The following XPNPEP3 variants were observed in gnomAD, a reference collection of about 807,000 sequenced individuals.
XPNPEP3 encodes the protein X-prolyl aminopeptidase 3.
A neutral mutation model predicts 60.0 loss-of-function variants in XPNPEP3; 41 were observed. The ratio of observed to expected loss-of-function variants is 0.68; its 90% CI spans 0.53 to 0.89. The LOEUF (loss-of-function observed/expected upper bound fraction) is 0.89, where lower values mean the gene tolerates loss of function less well. Ranked by LOEUF, XPNPEP3 falls within the 40% of genes least tolerant of loss-of-function variation. The probability of loss-of-function intolerance (pLI) is 0.00; values close to 1 mark genes in which losing one functional copy is unlikely to be tolerated. For missense variants in XPNPEP3, 598 were observed against 638.9 expected, an observed-to-expected ratio of 0.94 and a Z score of 0.69; for synonymous variants, 212 against 223.2, an observed-to-expected ratio of 0.95 and a Z score of 0.45.
chr22:40,911,033 A>G (rs1272571778), intron 6 of XPNPEP3, among the ~76,000 whole-genome samples: 2 of 152,152 alleles, frequency 1.3e-5, no homozygotes, highest in African/African-American at 4.8e-5. Context: ...ATAAAAATAT[A>G]TATGATAATA....
At chr22:40,877,419 G>A (rs1325733160) in intron 2 of XPNPEP3, among the ~76,000 whole-genome samples, 1 of 152,180 alleles carries the variant, frequency 6.6e-6, no homozygotes, top group East Asian at 1.9e-4. Context: ...CTAGATTGTA[G>A]TAGAGACCTG....
intron 8 of XPNPEP3, among the ~76,000 whole-genome samples, chr22:40,923,894 G>A (rs2058225402): frequency 1.3e-5 from 2 of 152,096 alleles, no homozygotes; most frequent in Admixed American, 6.6e-5. Context: ...GTGCCCAAAA[G>A]TGTGCCTTCT....
At chr22:40,873,514 C>T (rs189465614) in intron 2 of XPNPEP3, among the ~76,000 whole-genome samples, 1 of 152,228 alleles carries the variant, frequency 6.6e-6, no homozygotes, top group East Asian at 1.9e-4. Context: ...CGTTTCATCT[C>T]TATCGTCAAC....
intron 4 of XPNPEP3, among the ~76,000 whole-genome samples, chr22:40,900,012 C>T (rs949760840): frequency 6.6e-6 from 1 of 151,846 alleles, no homozygotes; most frequent in Non-Finnish European, 1.5e-5. Context: ...TTGCAGTGAG[C>T]CAAGATTACA....
chr22:40,894,558 T>A (rs2058100904), intron 4 of XPNPEP3, among the ~76,000 whole-genome samples: 1 of 152,162 alleles, frequency 6.6e-6, no homozygotes. Flanking sequence ...ATAAATTGGA[T>A]AAATACAGAA....
intron 1 of XPNPEP3, chr22:40,860,363 C>T (rs5758110): frequency 0.023 from 3,895 of 170,398 alleles, 196 homozygotes; most frequent in East Asian, 0.19. Flanking sequence ...CAGGTGTGAG[C>T]CACTGCACCC....
At chr22:40,866,003 T>G (rs2057976865) in intron 1 of XPNPEP3, among the ~76,000 whole-genome samples, 2 of 152,148 alleles carry the variant, frequency 1.3e-5, no homozygotes, top group African/African-American at 4.8e-5. Context: ...AGCCTAGCAC[T>G]TTTCTCCCTG....
intron 1 of XPNPEP3, chr22:40,861,379 C>G: frequency 6.2e-7 from 1 of 1,613,754 alleles, no homozygotes; most frequent in Non-Finnish European, 8.5e-7. Context: ...TGATCACTTT[C>G]AATAATTTTC....
chr22:40,908,761 C>T (rs952715387), intron 5 of XPNPEP3, among the ~76,000 whole-genome samples: 3 of 152,130 alleles, frequency 2.0e-5, no homozygotes, highest in Non-Finnish European at 4.4e-5. Flanking sequence ...AATAGTAACC[C>T]TTACATGATA....
In XPNPEP3 at chr22:40,922,715, GAT is replaced by G. The variant is rs200274892; in HGVS notation, c.1236+208_1236+209del. On this transcript the variant is annotated intron_variant, in intron 8 of 9. Transcript: ENST00000357137. ...AGCAAGACCCATCTATATACATGTAGATATATACACACACACACACACACACA... is the reference window on the plus strand; with the variant it reads ...AGCAAGACCCATCTATATACATGTAGATATACACACACACACACACACACA... 0.03 allele frequency among the ~76,000 whole-genome samples: 4,449 copies of G among 149,274 alleles called. 190 individuals are homozygous for G. The highest frequency in any genetic ancestry group is 0.1 in the African/African-American group (4,182 of 39,954).
chr22:40,925,398 G>C (rs2058231190), intron 9 of XPNPEP3, among the ~76,000 whole-genome samples: 1 of 152,168 alleles, frequency 6.6e-6, no homozygotes, highest in Non-Finnish European at 1.5e-5. Flanking sequence ...TAGATTTCAA[G>C]TATTTTAATC....
chr22:40,932,076 T>C lies in XPNPEP3; in HGVS notation c.*5641T>C, dbSNP rs530025506. ...CAAATGCTGCTTCTCCCCCTCCTGT[T>C]CCCATGTCAGAGATGGAGAAGAAAG... On this transcript the variant is annotated 3_prime_UTR_variant, in exon 10 of 10. Coordinates refer to ENST00000357137, the MANE Select transcript of XPNPEP3 (RefSeq NM_022098.4). 1 of 152,170 alleles carries C rather than the reference T, an allele frequency of 6.6e-6. No homozygotes were observed. The highest frequency in any genetic ancestry group is 1.5e-5 in the Non-Finnish European group (1 of 68,046). 9.4% of individuals were successfully genotyped at this position (152,170 alleles called of 1,614,324 possible).
intron 2 of XPNPEP3, among the ~76,000 whole-genome samples, chr22:40,869,844 A>T (rs956250534): frequency 6.6e-6 from 1 of 152,246 alleles, no homozygotes; most frequent in African/African-American, 2.4e-5. Context: ...AAGCAAACAC[A>T]TTGTAGAAAA....
chr22:40,914,359 T>G (rs1278326052), intron 7 of XPNPEP3, 35 bp downstream of exon 7: 9 of 1,545,580 alleles, frequency 5.8e-6, no homozygotes, highest in Non-Finnish European at 7.2e-6. Flanking sequence ...TCCCACTGCT[T>G]CTTAGGAGTA....
At chr22:40,886,161 T>G (rs2058067773) in intron 3 of XPNPEP3, 152 bp from the exon 4 acceptor site, 2 of 747,470 alleles carry the variant, frequency 2.7e-6, no homozygotes, top group South Asian at 1.5e-5. Flanking sequence ...CCTTTATTGC[T>G]TCAGTCCTGA....
chr22:40,862,273 A>T (rs2057954848), intron 1 of XPNPEP3: 17 of 1,125,866 alleles, frequency 1.5e-5, no homozygotes, highest in Non-Finnish European at 1.9e-5. Context: ...GTACCAGACC[A>T]TCCTGAATCC....
chr22:40,910,095 A>T (rs2058171741), intron 6 of XPNPEP3, among the ~76,000 whole-genome samples: 1 of 151,822 alleles, frequency 6.6e-6, no homozygotes, highest in Admixed American at 6.6e-5. Context: ...AAAGAAAAAA[A>T]TATAGCAAAC....
chr22:40,925,883 G>A (rs1369725148), intron 9 of XPNPEP3, among the ~76,000 whole-genome samples: 1 of 152,088 alleles, frequency 6.6e-6, no homozygotes, highest in African/African-American at 2.4e-5. Context: ...GGGACTCTTA[G>A]GCAGGGGAAG....
chr22:40,898,864 G>C (rs1423551285), intron 4 of XPNPEP3, among the ~76,000 whole-genome samples: 1 of 152,104 alleles, frequency 6.6e-6, no homozygotes, highest in Non-Finnish European at 1.5e-5. Flanking sequence ...CGTACTGTCT[G>C]CATCCACAGC....
Sources: allele counts gnomAD v4.1 joint callset (sites outside exome capture counted in the v4.1 genomes callset), GRCh38; gene constraint gnomAD v4.1.1; transcripts MANE v1.5; gene names NCBI Gene and HGNC (gene_info 2026-07-23, HGNC 2026-07-21).